The following ATXN8OS variants were observed in gnomAD, a reference collection of about 807,000 sequenced individuals.
The protein encoded by ATXN8OS is ATXN8 opposite strand (non-protein coding).
At chr13:70,152,461 A>G (rs1888882440) in intron 4 of ATXN8OS, among the ~76,000 whole-genome samples, 1 of 152,002 alleles carries the variant, frequency 6.6e-6, no homozygotes, top group Non-Finnish European at 1.5e-5. Flanking sequence ...GTATATGTGT[A>G]TACATGTATA....
rs367625788 is a variant in ATXN8OS, at chr13:70,153,178, G to C, written n.573+5750G>C. On this transcript the variant is annotated intron_variant and non_coding_transcript_variant, in intron 4 of 4. Transcript: ENST00000678624. The stretch of plus-strand genomic sequence containing the variant: ...ATCTCTGAGAGCAGAGACATTACTG[G>C]AAATTAGTAGCTAAAGAGTGAATGG... Among the ~76,000 whole-genome samples, 672 of 152,200 alleles carry C rather than the reference G, an allele frequency of 4.4e-3. 2 individuals are homozygous for C. The highest frequency in any genetic ancestry group is 0.014 in the South Asian group (67 of 4,826).
intron 1 of ATXN8OS, among the ~76,000 whole-genome samples, chr13:70,109,186 C>T (rs937922599): frequency 2.6e-5 from 4 of 152,144 alleles, no homozygotes; most frequent in Non-Finnish European, 4.4e-5. Context: ...TGCAAATAGG[C>T]GTTTGGAGAA....
upstream of ATXN8OS, chr13:70,107,431 T>C: frequency 1.9e-6 from 3 of 1,611,144 alleles, no homozygotes; most frequent in Middle Eastern, 1.7e-4. Flanking sequence ...ATTCAGCGGA[T>C]TGAAGGAAGA....
At chr13:70,164,747 T>G (rs1471480640) in intron 4 of ATXN8OS, among the ~76,000 whole-genome samples, 6 of 152,078 alleles carry the variant, frequency 3.9e-5, no homozygotes, top group Non-Finnish European at 7.4e-5. Context: ...ACCAGTTTCC[T>G]TTGTTCAAGT....
At chr13:70,134,516 T>C (rs1888582255) in intron 3 of ATXN8OS, among the ~76,000 whole-genome samples, 2 of 152,166 alleles carry the variant, frequency 1.3e-5, no homozygotes, top group African/African-American at 4.8e-5. Flanking sequence ...CTGGTTACCA[T>C]GCCAGGGAAG....
intron 3 of ATXN8OS, chr13:70,130,638 T>C (rs2137482925): frequency 2.5e-6 from 1 of 398,294 alleles, no homozygotes; most frequent in Non-Finnish European, 4.4e-6. Context: ...AACAAAAATG[T>C]CTAGGAATGC....
At chr13:70,140,095 G>A (rs1888689866) in intron 3 of ATXN8OS, among the ~76,000 whole-genome samples, 1 of 152,090 alleles carries the variant, frequency 6.6e-6, no homozygotes, top group Admixed American at 6.6e-5. Flanking sequence ...AAAAGTCAGA[G>A]CCTAATTATT....
chr13:70,118,347 T>C (rs2137473118), intron 2 of ATXN8OS, among the ~76,000 whole-genome samples: 1 of 152,184 alleles, frequency 6.6e-6, no homozygotes, highest in East Asian at 1.9e-4. Context: ...AAACTAGAGG[T>C]TATTTTGTCA....
At chr13:70,163,654 A>C (rs531862525) in intron 4 of ATXN8OS, among the ~76,000 whole-genome samples, 14 of 152,026 alleles carry the variant, frequency 9.2e-5, no homozygotes, top group Non-Finnish European at 1.9e-4. Flanking sequence ...AAAGTCATTA[A>C]AACCTAGAAC....
At chr13:70,130,495 A>G (rs897428582) in intron 3 of ATXN8OS, among the ~76,000 whole-genome samples, 3 of 152,198 alleles carry the variant, frequency 2.0e-5, no homozygotes, top group African/African-American at 7.2e-5. Context: ...TGATAAGCCT[A>G]TTGCAGGAAG....
intron 4 of ATXN8OS, among the ~76,000 whole-genome samples, chr13:70,158,558 A>C (rs886316057): frequency 6.6e-6 from 1 of 152,238 alleles, no homozygotes; most frequent in African/African-American, 2.4e-5. Context: ...TCAGTGCACT[A>C]TGTGCTAAAA....
At chr13:70,109,421 CAG>C (rs1317327575) in intron 1 of ATXN8OS, among the ~76,000 whole-genome samples, 8 of 152,166 alleles carry the variant, frequency 5.3e-5, no homozygotes, top group Non-Finnish European at 1.5e-5. Flanking sequence ...TAACCCCCAA[CAG>C]AGCATAGGAA....
At chr13:70,150,777 A>C (rs188051677) in intron 4 of ATXN8OS, among the ~76,000 whole-genome samples, 2 of 152,266 alleles carry the variant, frequency 1.3e-5, no homozygotes, top group East Asian at 3.9e-4. Flanking sequence ...ATCAAATTAT[A>C]ACACTACATT....
Position 70,146,064 on chromosome 13 carries a change from A to T in ATXN8OS, n.500-1291A>T, listed in dbSNP as rs1417243132. Among the ~76,000 whole-genome samples the T allele has an allele frequency of 8.3e-5, 3 of 35,992 alleles. 1 individual carries two copies. The highest frequency in any genetic ancestry group is 4.2e-4 in the African/African-American group (3 of 7,076). 23.6% of individuals were successfully genotyped at this position (35,992 alleles called of 152,430 possible). Reference sequence around the variant, plus strand: ...CTACAATGAACTCAAACAAATTTACAAGAAAAAAAAAAAACAACCCCATCA... The same window carrying T: ...CTACAATGAACTCAAACAAATTTACTAGAAAAAAAAAAAACAACCCCATCA... On this transcript the variant is annotated intron_variant and non_coding_transcript_variant, in intron 3 of 4. Transcript: ENST00000678624.
chr13:70,115,299 G>GT, intron 2 of ATXN8OS: 3 of 398,126 alleles, frequency 7.5e-6, no homozygotes, highest in East Asian at 3.6e-5. Context: ...ACCTACTCCT[G>GT]TAAGTCCATT....
At chr13:70,136,851 C>A (rs902245435) in intron 3 of ATXN8OS, among the ~76,000 whole-genome samples, 4 of 152,078 alleles carry the variant, frequency 2.6e-5, no homozygotes, top group Non-Finnish European at 5.9e-5. Context: ...GGGAAATGAA[C>A]AGAACTACTT....
Position 70,149,711 on chromosome 13 carries a change from G to A in ATXN8OS, n.573+2283G>A, listed in dbSNP as rs142504994. The stretch of plus-strand genomic sequence containing the variant: ...GGAATAACAACAGCATGCCATCGGG[G>A]AAAAGGCTGGAAATCTTTCAGCTAC... On this transcript the variant is annotated intron_variant and non_coding_transcript_variant, in intron 4 of 4. Transcript: ENST00000678624. Among the ~76,000 whole-genome samples the A allele has an allele frequency of 6.3e-3, 961 of 152,210 alleles. 8 individuals carry two copies. Among genetic ancestry groups the A allele is most frequent in the African/African-American group, 0.018 (759 of 41,558 alleles).
chr13:70,164,857 TA>T (rs1737717876), intron 4 of ATXN8OS, among the ~76,000 whole-genome samples: 1 of 151,870 alleles, frequency 6.6e-6, no homozygotes, highest in South Asian at 2.1e-4. Flanking sequence ...CTATGTGCAA[TA>T]ACTGAAAATA....
chr13:70,144,663 A>G (rs537583845), intron 3 of ATXN8OS, among the ~76,000 whole-genome samples: 1 of 152,130 alleles, frequency 6.6e-6, no homozygotes, highest in East Asian at 1.9e-4. Flanking sequence ...ATTCTCTGGC[A>G]ATGTCATTCT....
Sources: gnomAD v4.1 joint callset for allele counts (sites outside exome capture counted in the v4.1 genomes callset) on GRCh38, gnomAD v4.1.1 for gene constraint, MANE v1.5 for transcripts, NCBI Gene and HGNC (gene_info 2026-07-23, HGNC 2026-07-21) for gene names.